ANTXR1: variants seen among roughly 807,000 people sequenced by gnomAD.
The protein encoded by ANTXR1 is anthrax toxin receptor 1.
In ANTXR1, 19 loss-of-function variants were observed where a neutral mutation model predicts 78.1. That is an observed-to-expected ratio of 0.24 (90% CI 0.17 to 0.36). The LOEUF (loss-of-function observed/expected upper bound fraction) is 0.36. Ranked by LOEUF, ANTXR1 falls within the 10% of genes least tolerant of loss-of-function variation. The pLI is 1.00. For missense variants in ANTXR1, 518 were observed against 718.6 expected, an observed-to-expected ratio of 0.72 and a Z score of 3.19; for synonymous variants, 273 against 260.5, an observed-to-expected ratio of 1.05 and a Z score of -0.46.
intron 1 of ANTXR1, among the ~76,000 whole-genome samples, chr2:69,036,890 C>T (rs1669448050): frequency 6.6e-6 from 1 of 152,178 alleles, no homozygotes; most frequent in Non-Finnish European, 1.5e-5. Flanking sequence ...AAGGATGGCA[C>T]CCTGGACCAG....
intron 1 of ANTXR1, among the ~76,000 whole-genome samples, chr2:69,027,539 A>T (rs1671380589): frequency 6.6e-6 from 1 of 152,148 alleles, no homozygotes; most frequent in Non-Finnish European, 1.5e-5. Flanking sequence ...GAACAACAAC[A>T]TGATCTTACT....
Position 69,070,651 on chromosome 2 carries a change from CA to C in ANTXR1, c.304del (p.Ile102SerfsTer5). ...TLMKLTEDRE[Q>X]IRQGLEELQK... Reference sequence around the variant, plus strand: ...CAGAGTGTCTTTGGATTTCAGAGAACAAATCCGTCAAGGCCTAGAAGAACTC... The same window carrying C: ...CAGAGTGTCTTTGGATTTCAGAGAACAATCCGTCAAGGCCTAGAAGAACTC... On this transcript the variant is annotated frameshift_variant, in exon 4 of 18. Coordinates refer to ENST00000303714, the MANE Select transcript of ANTXR1 (RefSeq NM_032208.3). LOFTEE classifies it high-confidence loss of function. 6.2e-7 allele frequency: 1 copy of C among 1,613,982 alleles called. No homozygotes were observed. The highest frequency in any genetic ancestry group is 8.5e-7 in the Non-Finnish European group (1 of 1,179,896).
At chr2:69,158,147 AAT>A (rs1673577495) in intron 13 of ANTXR1, among the ~76,000 whole-genome samples, 2 of 152,200 alleles carry the variant, frequency 1.3e-5, no homozygotes, top group South Asian at 4.1e-4. Flanking sequence ...CCCAGAGCAT[AAT>A]ACAGTGCCTG....
At position 69,044,822 on chromosome 2, in the gene ANTXR1, A is replaced by T. The variant is rs1669716304; in HGVS notation, c.296+9A>T. ...AAACTGACAGAAGACAGGTAAGGAT[A>T]CTTCTTATCTCTGTTGTTAAAAAGT... On this transcript the variant is annotated intron_variant, in intron 3 of 17. Transcript: ENST00000303714. The T allele has an allele frequency of 6.2e-7, 1 of 1,613,088 alleles. No homozygotes were observed. Among genetic ancestry groups the T allele is most frequent in the Admixed American group, 1.7e-5 (1 of 59,978 alleles).
chr2:69,080,331 C>CT (rs1206139672), intron 8 of ANTXR1, among the ~76,000 whole-genome samples: 2 of 152,124 alleles, frequency 1.3e-5, no homozygotes, highest in African/African-American at 2.4e-5. Context: ...AATTTCCCCC[C>CT]CATCTGAAGC....
At chr2:69,098,987 A>ATAAATAAATAAG (rs1437162257) in intron 9 of ANTXR1, among the ~76,000 whole-genome samples, 23 of 152,200 alleles carry the variant, frequency 1.5e-4, no homozygotes, top group African/African-American at 3.1e-4. Flanking sequence ...CTGCGTCTAA[A>ATAAATAAATAAG]TAAATAAAGT....
intron 12 of ANTXR1, among the ~76,000 whole-genome samples, chr2:69,149,101 A>G (rs1673316468): frequency 1.3e-5 from 2 of 152,214 alleles, no homozygotes; most frequent in African/African-American, 4.8e-5. Context: ...GGAAGATCTC[A>G]AAAAACAGAC....
At position 69,013,696 on chromosome 2, in the gene ANTXR1, A is replaced by T; in HGVS notation, c.152+45A>T. 1 of 1,551,298 alleles carries T rather than the reference A, an allele frequency of 6.4e-7. No individual in the cohort carries two copies. The highest frequency in any genetic ancestry group is 1.2e-5 in the South Asian group (1 of 84,054). ...CCCCCCACCCCAGGCTAAGCGGGCGAAAACGCTTTCGCCCCGGGCCGGGCT... is the reference window on the plus strand; with the variant it reads ...CCCCCCACCCCAGGCTAAGCGGGCGTAAACGCTTTCGCCCCGGGCCGGGCT... On this transcript the variant is annotated intron_variant, in intron 1 of 17. Coordinates refer to ENST00000303714, the MANE Select transcript of ANTXR1 (RefSeq NM_032208.3). The surrounding 1 kb of genome is among the most constrained non-coding windows in gnomAD (Gnocchi z 5.0).
rs755564837 is a variant in ANTXR1 at position 69,090,837 on chromosome 2, CTT to C, written c.643-19_643-18del. ...GAACAAAATAAGCTGTGCATTGACTCTTTTATTTCCGCTCCTCCTAGATTTTG... is the reference window on the plus strand; with the variant it reads ...GAACAAAATAAGCTGTGCATTGACTCTTATTTCCGCTCCTCCTAGATTTTG... On this transcript the variant is annotated intron_variant, in intron 8 of 17. Transcript: ENST00000303714. The C allele has an allele frequency of 1.9e-6, 3 of 1,612,130 alleles. No homozygotes were observed. The South Asian group carries it at 3.3e-5, about 18-fold the overall frequency.
At chr2:69,066,482 T>A (rs1670404278) in intron 3 of ANTXR1, among the ~76,000 whole-genome samples, 1 of 151,986 alleles carries the variant, frequency 6.6e-6, no homozygotes, top group African/African-American at 2.4e-5. Context: ...TTTAATTTTT[T>A]TCTTACGTGT....
intron 16 of ANTXR1, among the ~76,000 whole-genome samples, chr2:69,187,804 T>G (rs113340282): frequency 0.011 from 1,742 of 151,652 alleles, 18 homozygotes; most frequent in South Asian, 0.026. Context: ...TTGGCCAGGA[T>G]GATCTCAATC....
chr2:69,120,592 C>T (rs554734092), intron 10 of ANTXR1, among the ~76,000 whole-genome samples: 88 of 152,060 alleles, frequency 5.8e-4, no homozygotes, highest in Middle Eastern at 6.8e-3. Flanking sequence ...CACTTGAACC[C>T]GGGAGGCAGA....
intron 13 of ANTXR1, among the ~76,000 whole-genome samples, chr2:69,159,090 G>T (rs1204200112): frequency 6.6e-6 from 1 of 152,092 alleles, no homozygotes; most frequent in African/African-American, 2.4e-5. Context: ...TGTCATGGGG[G>T]TTTGTATTAT....
At chr2:69,145,645 C>CAG in intron 12 of ANTXR1, 1 of 1,221,128 alleles carries the variant, frequency 8.2e-7, no homozygotes. Flanking sequence ...CAGGCAGAAT[C>CAG]CTGGTGCAGA....
chr2:69,228,174 G>A (rs1273715090), intron 17 of ANTXR1, among the ~76,000 whole-genome samples: 1 of 152,146 alleles, frequency 6.6e-6, no homozygotes, highest in East Asian at 1.9e-4. Flanking sequence ...TAAGGGGAGA[G>A]GCACATAGGA....
intron 10 of ANTXR1, among the ~76,000 whole-genome samples, chr2:69,116,613 C>T (rs556000598): frequency 3.1e-4 from 47 of 152,230 alleles, no homozygotes; most frequent in African/African-American, 8.9e-4. Flanking sequence ...AACAGCAAGG[C>T]GAGCTCATTT....
At chr2:69,207,161 A>G (rs1204452775) in intron 17 of ANTXR1, among the ~76,000 whole-genome samples, 1 of 152,236 alleles carries the variant, frequency 6.6e-6, no homozygotes, top group Non-Finnish European at 1.5e-5. Context: ...AAAAAGTCCA[A>G]GACTAGGTCG....
intron 10 of ANTXR1, among the ~76,000 whole-genome samples, chr2:69,112,982 A>G (rs955034859): frequency 6.6e-6 from 1 of 152,144 alleles, no homozygotes; most frequent in Non-Finnish European, 1.5e-5. Context: ...AAAAGAGTTT[A>G]TTCTGGGGGT....
chr2:69,032,327 G>A (rs1377688915), intron 1 of ANTXR1, among the ~76,000 whole-genome samples: 1 of 152,166 alleles, frequency 6.6e-6, no homozygotes, highest in Non-Finnish European at 1.5e-5. Context: ...GCTGTGGGAT[G>A]ATGGGTGATT....
Sources: allele counts gnomAD v4.1 joint callset (sites outside exome capture counted in the v4.1 genomes callset), GRCh38; gene constraint gnomAD v4.1.1; non-coding constraint Gnocchi (gnomAD v3.1); transcripts MANE v1.5; gene names NCBI Gene and HGNC (gene_info 2026-07-23, HGNC 2026-07-21).